Variants in FGF12 observed in about 807,000 individuals in gnomAD.
FGF12 encodes the protein fibroblast growth factor 12B.
Under a neutral mutation model 23.6 loss-of-function variants are expected in FGF12, and 14 were observed. The observed-to-expected ratio is 0.59, with a 90% CI of 0.39 to 0.93. The LOEUF (loss-of-function observed/expected upper bound fraction) is 0.93. Ranked by LOEUF, FGF12 falls within the 40% of genes least tolerant of loss-of-function variation. The probability of loss-of-function intolerance (pLI) is 0.00; values close to 1 mark genes in which losing one functional copy is unlikely to be tolerated. For missense variants in FGF12, 175 were observed against 217.8 expected (o/e 0.80, Z 1.24); for synonymous variants, 62 against 77.3 (o/e 0.80, Z 1.04).
intron 2 of FGF12, among the ~76,000 whole-genome samples, chr3:192,590,218 A>T (rs527777440): frequency 6.6e-6 from 1 of 152,050 alleles, no homozygotes; most frequent in South Asian, 2.1e-4. Flanking sequence ...TCATTCTAGA[A>T]CCAGTATATG....
At chr3:192,632,133 T>TA (rs1469491642) in intron 2 of FGF12, among the ~76,000 whole-genome samples, 1 of 152,206 alleles carries the variant, frequency 6.6e-6, no homozygotes, top group Non-Finnish European at 1.5e-5. Context: ...ATATTACACT[T>TA]ACGATGTGGT....
At chr3:192,625,251 G>C (rs1180867403) in intron 2 of FGF12, among the ~76,000 whole-genome samples, 1 of 152,046 alleles carries the variant, frequency 6.6e-6, no homozygotes, top group East Asian at 1.9e-4. Flanking sequence ...TTGCCAAATT[G>C]TCCTTGATAA....
chr3:192,693,227 CAA>C (rs1718002417), intron 2 of FGF12, among the ~76,000 whole-genome samples: 1 of 151,044 alleles, frequency 6.6e-6, no homozygotes, highest in Non-Finnish European at 1.5e-5. Flanking sequence ...TAAATTCAAC[CAA>C]AGAGGTGAAA....
chr3:192,712,091 C>A (rs1718707674), intron 2 of FGF12, among the ~76,000 whole-genome samples: 2 of 150,592 alleles, frequency 1.3e-5, no homozygotes, highest in African/African-American at 2.4e-5. Context: ...AAATCTGATA[C>A]CAGAAATTAA....
intron 2 of FGF12, among the ~76,000 whole-genome samples, chr3:192,447,017 T>G (rs565293279): frequency 3.9e-5 from 6 of 152,376 alleles, no homozygotes; most frequent in African/African-American, 1.4e-4. Context: ...AGATTGGATG[T>G]GATCTCCCTT....
chr3:192,511,777 C>G (rs961940174), intron 2 of FGF12, among the ~76,000 whole-genome samples: 4 of 152,046 alleles, frequency 2.6e-5, no homozygotes, highest in Non-Finnish European at 4.4e-5. Context: ...TCCACTCAAC[C>G]TTGTCTGAGA....
At chr3:192,567,391 A>AT (rs1186152521) in intron 2 of FGF12, among the ~76,000 whole-genome samples, 3 of 151,898 alleles carry the variant, frequency 2.0e-5, no homozygotes, top group Admixed American at 2.0e-4. Context: ...AAAGGGCTTT[A>AT]TTTTTTTAAG....
At chr3:192,655,698 T>C (rs1716384502) in intron 2 of FGF12, among the ~76,000 whole-genome samples, 1 of 152,294 alleles carries the variant, frequency 6.6e-6, no homozygotes, top group East Asian at 1.9e-4. Context: ...ATTAAAGAGC[T>C]ACTGAGTAAT....
chr3:192,724,556 C>T (rs1368319518), intron 2 of FGF12, among the ~76,000 whole-genome samples: 1 of 152,104 alleles, frequency 6.6e-6, no homozygotes, highest in Admixed American at 6.5e-5. Flanking sequence ...GCACAAATTC[C>T]GTCAGAGCTG....
At chr3:192,188,964 AT>A (rs1358982563) in intron 4 of FGF12, among the ~76,000 whole-genome samples, 5 of 152,242 alleles carry the variant, frequency 3.3e-5, no homozygotes, top group African/African-American at 1.2e-4. Flanking sequence ...GTAACACTTC[AT>A]CTTCATTCCT....
chr3:192,634,492 G>A (rs965153866), intron 2 of FGF12, among the ~76,000 whole-genome samples: 13 of 152,168 alleles, frequency 8.5e-5, no homozygotes, highest in South Asian at 2.1e-4. Context: ...AAGGACTTGC[G>A]CATCCATGGA....
intron 2 of FGF12, among the ~76,000 whole-genome samples, chr3:192,707,754 A>AAAAAAAG (rs1250254950): frequency 4.6e-5 from 7 of 151,074 alleles, no homozygotes; most frequent in African/African-American, 1.7e-4. Context: ...CAAAAAAAAA[A>AAAAAAAG]AAAAAAAAGA....
intron 2 of FGF12, among the ~76,000 whole-genome samples, chr3:192,679,077 A>G (rs1717426132): frequency 6.6e-6 from 1 of 152,172 alleles, no homozygotes; most frequent in Non-Finnish European, 1.5e-5. Context: ...GCTTTGGAGA[A>G]TAGGAAGTAT....
Position 192,345,634 on chromosome 3 carries a change from C to T in FGF12, c.125-10170G>A, listed in dbSNP as rs1405970109. ...CCCGGGAGGCGGAGCTTGCAGTGAG[C>T]CGAGATCGCGCCACTGCACTCCAGC... On this transcript the variant is annotated intron_variant, in intron 3 of 5. Coordinates refer to ENST00000445105, the MANE Select transcript of FGF12 (RefSeq NM_004113.6). 4.7e-5 allele frequency among the ~76,000 whole-genome samples: 2 copies of T among 42,772 alleles called. 1 individual carries two copies. The highest frequency in any genetic ancestry group is 6.9e-5 in the Non-Finnish European group (2 of 29,124). The allele number at this position is 42,772 out of a possible 152,430, so 28.1% of individuals were successfully genotyped here.
chr3:192,213,592 G>A lies in FGF12; in HGVS notation c.229-42936C>T, dbSNP rs557606308. On this transcript the variant is annotated intron_variant, in intron 4 of 5. Transcript: ENST00000445105. Reference sequence around the variant, plus strand: ...TCTGAGATCGCCCAGCTTAGAAGGGGCAAGACTAAGTCTTAGATCCAGTCT... The same window carrying A: ...TCTGAGATCGCCCAGCTTAGAAGGGACAAGACTAAGTCTTAGATCCAGTCT... Among the ~76,000 whole-genome samples the A allele has an allele frequency of 1.4e-3, 211 of 152,264 alleles. 1 individual carries two copies. Among genetic ancestry groups the A allele is most frequent in the Non-Finnish European group, 2.5e-3 (173 of 68,038 alleles).
At chr3:192,528,288 G>A (rs1286046797) in intron 2 of FGF12, among the ~76,000 whole-genome samples, 1 of 152,182 alleles carries the variant, frequency 6.6e-6, no homozygotes, top group Non-Finnish European at 1.5e-5. Flanking sequence ...CAGGCCCCAT[G>A]TAAGTCCGAA....
chr3:192,697,345 C>T (rs1718158001), intron 2 of FGF12, among the ~76,000 whole-genome samples: 1 of 152,212 alleles, frequency 6.6e-6, no homozygotes, highest in Non-Finnish European at 1.5e-5. Flanking sequence ...TTGCAAACTA[C>T]TTTGCATTTC....
intron 4 of FGF12, among the ~76,000 whole-genome samples, chr3:192,176,652 C>T (rs1029052533): frequency 6.6e-6 from 1 of 152,190 alleles, no homozygotes; most frequent in African/African-American, 2.4e-5. Context: ...ATAATTCTCA[C>T]ATTAAAAATG....
At chr3:192,553,190 C>G (rs1374311039) in intron 2 of FGF12, among the ~76,000 whole-genome samples, 1 of 151,932 alleles carries the variant, frequency 6.6e-6, no homozygotes, top group Non-Finnish European at 1.5e-5. Flanking sequence ...ATTAGAAGTG[C>G]TGAATATATG....
Sources: gnomAD v4.1 joint callset for allele counts (sites outside exome capture counted in the v4.1 genomes callset) on GRCh38, gnomAD v4.1.1 for gene constraint, MANE v1.5 for transcripts, NCBI Gene and HGNC (gene_info 2026-07-23, HGNC 2026-07-21) for gene names.